The following PACRG variants were observed in gnomAD, a reference collection of about 807,000 sequenced individuals.
The protein encoded by PACRG is parkin coregulated, also known as parkin coregulated gene protein.
PACRG carries 29 observed loss-of-function variants against 29.7 expected under a neutral mutation model. The observed-to-expected ratio is 0.98, with a 90% CI of 0.73 to 1.33. PACRG has a LOEUF of 1.33. Ranked by LOEUF, PACRG falls within the 40% of genes most tolerant of loss-of-function variation. The pLI is 0.00. For missense variants in PACRG, 279 were observed against 316.2 expected, an observed-to-expected ratio of 0.88 and a Z score of 0.89; for synonymous variants, 116 against 118.7, an observed-to-expected ratio of 0.98 and a Z score of 0.15.
intron 2 of PACRG, among the ~76,000 whole-genome samples, chr6:162,914,485 G>A (rs1445292387): frequency 6.9e-6 from 1 of 144,670 alleles, no homozygotes; most frequent in African/African-American, 2.5e-5. Context: ...CGTACATAAG[G>A]TCTCAAAGTT....
intron 4 of PACRG, among the ~76,000 whole-genome samples, chr6:163,273,018 A>G (rs1783897256): frequency 6.9e-6 from 1 of 145,578 alleles, no homozygotes; most frequent in East Asian, 2.0e-4. Flanking sequence ...CAGCCTCCCA[A>G]GTAGCTGGGA....
rs137903990 is a variant in PACRG at position 162,885,017 on chromosome 6, G to A, written c.291+70736G>A. Among the ~76,000 whole-genome samples, 23 of 152,214 alleles carry A rather than the reference G, an allele frequency of 1.5e-4. 1 individual carries two copies. The East Asian group carries it at 4.4e-3, about 29-fold the overall frequency. ...TTTTTCAGCACCCTGCTTCACTTTA[G>A]AGGTGAAGTTGTGGGCTCAATGTTA... is the stretch of plus-strand genomic sequence containing the variant. On this transcript the variant is annotated intron_variant, in intron 2 of 4. Transcript: ENST00000366888.
intron 4 of PACRG, chr6:163,191,681 T>C (rs540715627): frequency 2.2e-6 from 1 of 456,314 alleles, no homozygotes; most frequent in South Asian, 1.5e-5. Context: ...CACGTGGCCA[T>C]CTGTGCCTAT....
rs1459663352 is a variant in PACRG at position 162,910,927 on chromosome 6, A to G, written c.291+96646A>G. On this transcript the variant is annotated intron_variant, in intron 2 of 4. Coordinates refer to ENST00000366888, the MANE Select transcript of PACRG (RefSeq NM_001080379.2). ...CGGCTCTCCACAGATGCTGCTGGCT[A>G]CAGTGATTCTGAGGATTATATATAA... Among the ~76,000 whole-genome samples the G allele has an allele frequency of 9.2e-5, 14 of 152,314 alleles. 1 individual carries two copies. The South Asian group carries it at 2.7e-3, about 29-fold the overall frequency.
At chr6:163,110,448 G>A (rs1815651281) in intron 4 of PACRG, among the ~76,000 whole-genome samples, 1 of 152,196 alleles carries the variant, frequency 6.6e-6, no homozygotes. Flanking sequence ...CAATAATGAT[G>A]GTGATAGCAG....
intron 4 of PACRG, among the ~76,000 whole-genome samples, chr6:163,144,214 G>A (rs1777685776): frequency 1.5e-5 from 2 of 130,734 alleles, no homozygotes; most frequent in African/African-American, 2.8e-5. Flanking sequence ...GGGAGACAGA[G>A]TGAGACTCCG....
Position 163,208,938 on chromosome 6 carries a change from AT to A in PACRG, c.614-105885del, listed in dbSNP as rs1381008701. 4.6e-5 allele frequency among the ~76,000 whole-genome samples: 7 copies of A among 152,200 alleles called. No homozygotes were observed. In the East Asian group the frequency reaches 1.3e-3, roughly 29 times the overall value. On this transcript the variant is annotated intron_variant, in intron 4 of 4. Transcript: ENST00000366888. The stretch of plus-strand genomic sequence containing the variant: ...TGATGTTTTTCTCCAAATTTATTAC[AT>A]TTTCCCCCTCTGTGTTAAATTTTCT...
intron 1 of PACRG, among the ~76,000 whole-genome samples, chr6:162,766,337 C>T (rs1012861991): frequency 1.3e-5 from 2 of 152,032 alleles, no homozygotes; most frequent in Admixed American, 6.6e-5. Flanking sequence ...TGGCTTATTT[C>T]GCTTGATGTT....
chr6:163,095,665 G>A (rs1158653798), intron 4 of PACRG, among the ~76,000 whole-genome samples: 1 of 151,098 alleles, frequency 6.6e-6, no homozygotes, highest in African/African-American at 2.5e-5. Context: ...CTCCAGTCCC[G>A]CCCCATCTTC....
intron 4 of PACRG, among the ~76,000 whole-genome samples, chr6:163,197,537 G>A (rs112485157): frequency 0.025 from 3,595 of 146,332 alleles, 142 homozygotes; most frequent in African/African-American, 0.086. Flanking sequence ...TCTGCCTCCC[G>A]GGTTCACGCC....
At chr6:162,789,912 G>A (rs547149133) in intron 1 of PACRG, among the ~76,000 whole-genome samples, 17 of 152,118 alleles carry the variant, frequency 1.1e-4, no homozygotes, top group South Asian at 1.0e-3. Context: ...GAATCATGTC[G>A]TCCAGGTCTG....
chr6:163,264,588 G>T (rs1398850325), intron 4 of PACRG, among the ~76,000 whole-genome samples: 1 of 152,222 alleles, frequency 6.6e-6, no homozygotes, highest in African/African-American at 2.4e-5. Context: ...TCTGGGCTGG[G>T]CCTAGACAGA....
At chr6:162,973,283 A>G (rs1031623436) in intron 2 of PACRG, among the ~76,000 whole-genome samples, 3 of 152,332 alleles carry the variant, frequency 2.0e-5, no homozygotes, top group Middle Eastern at 3.4e-3. Context: ...TAAAATTAGT[A>G]AAAGGCGGTT....
At chr6:163,005,647 A>G (rs1804995759) in intron 2 of PACRG, among the ~76,000 whole-genome samples, 1 of 150,146 alleles carries the variant, frequency 6.7e-6, no homozygotes, top group African/African-American at 2.5e-5. Context: ...TGTAACTTGA[A>G]TTATATTAAA....
intron 2 of PACRG, among the ~76,000 whole-genome samples, chr6:162,827,191 C>T (rs879912685): frequency 2.6e-5 from 4 of 152,100 alleles, no homozygotes; most frequent in Non-Finnish European, 5.9e-5. Context: ...ATTAAAACCA[C>T]AAGTCAAAAA....
At chr6:162,874,819 G>T (rs931428848) in intron 2 of PACRG, among the ~76,000 whole-genome samples, 1 of 151,388 alleles carries the variant, frequency 6.6e-6, no homozygotes, top group Non-Finnish European at 1.5e-5. Flanking sequence ...ACATTCATAC[G>T]ACTCGCACAC....
intron 2 of PACRG, among the ~76,000 whole-genome samples, chr6:162,983,220 G>A (rs1802580102): frequency 6.6e-6 from 1 of 151,998 alleles, no homozygotes; most frequent in South Asian, 2.1e-4. Context: ...TGAGTCTCTT[G>A]AAGACAGCAG....
At chr6:163,242,767 A>C (rs1384069793) in intron 4 of PACRG, among the ~76,000 whole-genome samples, 2 of 152,260 alleles carry the variant, frequency 1.3e-5, no homozygotes, top group Non-Finnish European at 2.9e-5. Context: ...CATTTATGGC[A>C]ATGAATGTTT....
intron 1 of PACRG, among the ~76,000 whole-genome samples, chr6:162,810,562 A>G (rs1204682808): frequency 6.6e-6 from 1 of 152,236 alleles, no homozygotes; most frequent in African/African-American, 2.4e-5. Context: ...CCCTTGAGAC[A>G]ATGAAAGAGT....
Sources: gnomAD v4.1 joint callset for allele counts (sites outside exome capture counted in the v4.1 genomes callset) on GRCh38, gnomAD v4.1.1 for gene constraint, MANE v1.5 for transcripts, NCBI Gene and HGNC (gene_info 2026-07-23, HGNC 2026-07-21) for gene names.